The following SLC61A1 variants were observed in gnomAD, a reference collection of about 807,000 sequenced individuals.
SLC61A1 encodes the protein solute carrier family 61 member 1.
chr12:53,251,215 A>C, the SLC61A1 span: 1 of 153,908 alleles, frequency 6.5e-6, no homozygotes, highest in Non-Finnish European at 1.4e-5. Flanking sequence ...AACCACGTGG[A>C]TATCTTGGAG....
the SLC61A1 span, chr12:53,252,043 A>G: frequency 8.8e-7 from 1 of 1,130,932 alleles, no homozygotes; most frequent in South Asian, 1.4e-5. Context: ...CGGGTAAGGG[A>G]AGGAGGGCGG....
chr12:53,251,535 A>C, the SLC61A1 span: 2 of 587,160 alleles, frequency 3.4e-6, no homozygotes, highest in African/African-American at 3.7e-5. Context: ...ACTGAACTTT[A>C]GCCTTCTTTA....
At chr12:53,252,692 C>T in the SLC61A1 span, 1 of 1,278,152 alleles carries the variant, frequency 7.8e-7, no homozygotes, top group Admixed American at 2.7e-5. Flanking sequence ...CTGGTCCCTC[C>T]GGTCTGAGAT....
chr12:53,252,945 C>T, the SLC61A1 span: 1 of 1,614,224 alleles, frequency 6.2e-7, no homozygotes, highest in Non-Finnish European at 8.5e-7. Context: ...AGCAATCCCT[C>T]CTTCCTTCGG....
At chr12:53,252,918 C>T in the SLC61A1 span, 2 of 1,614,090 alleles carry the variant, frequency 1.2e-6, no homozygotes, top group Non-Finnish European at 1.7e-6. Context: ...CGGGCTAAAC[C>T]CCCTGGAAGG....
chr12:53,253,030 ACT>A, the SLC61A1 span: 2 of 1,613,370 alleles, frequency 1.2e-6, no homozygotes, highest in African/African-American at 1.3e-5. Flanking sequence ...ACCTCTATAA[ACT>A]CTACCAGCAT....
chr12:53,252,499 G>T, the SLC61A1 span: 2 of 1,341,840 alleles, frequency 1.5e-6, no homozygotes, highest in African/African-American at 1.5e-5. Flanking sequence ...AGAAGGAAGT[G>T]TACGGGAGCT....
At chr12:53,251,419 G>A in the SLC61A1 span, 6 of 316,640 alleles carry the variant, frequency 1.9e-5, no homozygotes, top group African/African-American at 1.1e-4. Flanking sequence ...GAGATGATAC[G>A]GAAGCTGTAG....
chr12:53,254,405 C>T, the SLC61A1 span: 1 of 567,692 alleles, frequency 1.8e-6, no homozygotes. Flanking sequence ...TTTAAATGAT[C>T]ATTGATTTGA....
At chr12:53,251,404 T>C in the SLC61A1 span, 55 of 284,194 alleles carry the variant, frequency 1.9e-4, no homozygotes, top group Middle Eastern at 1.1e-3. Context: ...TTGGAGGCTC[T>C]TGAGGAGATG....
At chr12:53,253,920 G>T in the SLC61A1 span, 1 of 1,614,210 alleles carries the variant, frequency 6.2e-7, no homozygotes, top group Non-Finnish European at 8.5e-7. Flanking sequence ...CCCAGCATGA[G>T]CTTCCTACGG....
chr12:53,251,622 C>A, the SLC61A1 span: 2 of 1,164,896 alleles, frequency 1.7e-6, no homozygotes, highest in Non-Finnish European at 2.4e-6. Context: ...GGCCACACAG[C>A]TGGTAAGTGA....
the SLC61A1 span, chr12:53,252,337 G>A: frequency 7.4e-7 from 1 of 1,354,862 alleles, no homozygotes; most frequent in Non-Finnish European, 9.4e-7. Context: ...GGGCGCAGTG[G>A]GGTGCCAGTG....
chr12:53,252,840 TG>T, the SLC61A1 span: 2 of 1,613,824 alleles, frequency 1.2e-6, no homozygotes. Flanking sequence ...CCCACCATGC[TG>T]GTGACTGCCT....
At chr12:53,253,183 A>G in the SLC61A1 span, 20 of 1,614,032 alleles carry the variant, frequency 1.2e-5, no homozygotes, top group Non-Finnish European at 1.7e-5. Context: ...TGACTTACTC[A>G]CTATGCTGCT....
At chr12:53,252,470 A>G in the SLC61A1 span, 1 of 1,298,358 alleles carries the variant, frequency 7.7e-7, no homozygotes, top group Non-Finnish European at 9.8e-7. Context: ...GAGGCTCCGC[A>G]GCGAGGACGG....
At chr12:53,254,212 G>GGGA in the SLC61A1 span, 1 of 1,604,230 alleles carries the variant, frequency 6.2e-7, no homozygotes, top group Non-Finnish European at 8.5e-7. Flanking sequence ...CAAGATAGCT[G>GGGA]GGACAGACTC....
the SLC61A1 span, chr12:53,253,485 T>C: frequency 1.9e-6 from 3 of 1,614,170 alleles, no homozygotes; most frequent in Non-Finnish European, 2.5e-6. Context: ...GCAGGGGCCT[T>C]GGCCCTTCGA....
chr12:53,252,620 C>T, the SLC61A1 span: 1 of 1,217,874 alleles, frequency 8.2e-7, no homozygotes, highest in Non-Finnish European at 1.1e-6. Context: ...CTTCTTACCC[C>T]TCCCTGCCCC....
Sources: allele counts gnomAD v4.1 joint callset, GRCh38; gene constraint gnomAD v4.1.1; transcripts MANE v1.5; gene names NCBI Gene and HGNC (gene_info 2026-07-23, HGNC 2026-07-21).